LIN54: variants seen among roughly 807,000 people sequenced by gnomAD.
LIN54 encodes the protein protein lin-54 homolog.
LIN54 carries 9 observed loss-of-function variants against 78.7 expected under a neutral mutation model. The ratio of observed to expected loss-of-function variants is 0.11; its 90% CI spans 0.07 to 0.20. LIN54 has a LOEUF of 0.20. Ranked by LOEUF, LIN54 falls within the 10% of genes least tolerant of loss-of-function variation. The pLI, the probability that LIN54 is intolerant of heterozygous loss-of-function variation, is 1.00. For missense variants in LIN54, 573 were observed against 889.9 expected (o/e 0.64, Z 4.53); for synonymous variants, 269 against 318.4 (o/e 0.84, Z 1.65).
In LIN54 at chr4:82,931,070, A is replaced by G. The variant is rs775160799; in HGVS notation, c.1921T>C (p.Leu641=). ...NFEESPERKT[L]MHLADAAEVR... ...TCAGCTGCATCTGCCAAATGCATCAATGTCTTCCTTTCCGGGCTTTCTTCA... is the reference window on the plus strand; with the variant it reads ...TCAGCTGCATCTGCCAAATGCATCAGTGTCTTCCTTTCCGGGCTTTCTTCA... Residue 641 remains leucine, a synonymous_variant, in exon 12 of 13, where the codon TTG becomes CTG. Transcript: ENST00000340417. The G allele has an allele frequency of 1.4e-5, 23 of 1,614,068 alleles. 1 individual carries two copies. The Middle Eastern group carries it at 6.6e-4, about 46-fold the overall frequency.
intron 5 of LIN54, among the ~76,000 whole-genome samples, 158 bp downstream of exon 5, chr4:82,946,099 AT>A (rs1723337392): frequency 6.6e-6 from 1 of 152,244 alleles, no homozygotes; most frequent in African/African-American, 2.4e-5. Context: ...TACTACAGTT[AT>A]GCGCAACTAT....
At chr4:82,947,231 A>ATTTTTTTTTTT (rs1390095473) in intron 4 of LIN54, among the ~76,000 whole-genome samples, 15 of 13,946 alleles carry the variant, frequency 1.1e-3, no homozygotes, top group East Asian at 2.9e-3. Context: ...ATATATATAT[A>ATTTTTTTTTTT]TATATTTTTT....
Position 83,010,620 on chromosome 4 carries a change from G to GGC in LIN54, c.-170_-169insGC. 8.1e-7 allele frequency: 1 copy of GGC among 1,229,644 alleles called. No individual in the cohort carries two copies. 76.2% of individuals were successfully genotyped at this position (1,229,644 alleles called of 1,614,324 possible). ...GGCCAGCAGCTTCCTTTCCCAGTTT[G>GGC]TCCAAACTGGAGCGCTCCAGGGTAC... On this transcript the variant is annotated 5_prime_UTR_variant, in exon 1 of 13. Transcript: ENST00000340417.
At chr4:82,959,042 A>G (rs542789852) in intron 4 of LIN54, among the ~76,000 whole-genome samples, 1 of 152,124 alleles carries the variant, frequency 6.6e-6, no homozygotes, top group East Asian at 2.0e-4. Flanking sequence ...CCATTCTCTA[A>G]TAGTCAGAAA....
chr4:83,010,351 G>T, intron 1 of LIN54, 133 bp downstream of exon 1: 1 of 302,848 alleles, frequency 3.3e-6, no homozygotes, highest in Non-Finnish European at 5.0e-6. Context: ...GTCATGACGA[G>T]GCTACTGATT....
intron 3 of LIN54, among the ~76,000 whole-genome samples, chr4:82,977,195 C>T (rs909057546): frequency 6.6e-6 from 1 of 152,178 alleles, no homozygotes; most frequent in Non-Finnish European, 1.5e-5. Flanking sequence ...TCTTCAGAGA[C>T]TCAAAACAGT....
chr4:82,982,257 G>A (rs1393650772), intron 2 of LIN54, among the ~76,000 whole-genome samples: 1 of 151,910 alleles, frequency 6.6e-6, no homozygotes, highest in East Asian at 1.9e-4. Context: ...TTGAGACAGG[G>A]TTTTCCTGTA....
chr4:82,948,192 G>A (rs577805843), intron 4 of LIN54, among the ~76,000 whole-genome samples: 3 of 152,164 alleles, frequency 2.0e-5, no homozygotes, highest in East Asian at 1.9e-4. Context: ...TACTATATCC[G>A]CTCAAAATGG....
chr4:82,939,107 A>G (rs989605675), intron 7 of LIN54, among the ~76,000 whole-genome samples: 1 of 152,242 alleles, frequency 6.6e-6, no homozygotes, highest in African/African-American at 2.4e-5. Context: ...ATCGCTGAAG[A>G]TATGTCACCT....
intron 4 of LIN54, among the ~76,000 whole-genome samples, chr4:82,962,953 T>C (rs751224738): frequency 6.6e-5 from 10 of 152,000 alleles, no homozygotes; most frequent in Non-Finnish European, 1.3e-4. Flanking sequence ...TTTCTGAAAG[T>C]AAAAGACATC....
Position 82,943,061 on chromosome 4 carries a change from A to T in LIN54, c.1169-3099T>A, listed in dbSNP as rs574112464. ...ATACCTAGGGAAGGGGATGTTATGT[A>T]ACTAGGTCAACCATCTGCATTTCTT... On this transcript the variant is annotated intron_variant, in intron 5 of 12. Coordinates refer to ENST00000340417, the MANE Select transcript of LIN54 (RefSeq NM_194282.4). 4.6e-5 allele frequency among the ~76,000 whole-genome samples: 7 copies of T among 152,272 alleles called. No homozygotes were observed. In the South Asian group the frequency reaches 8.3e-4, roughly 18 times the overall value.
At chr4:82,998,244 T>G (rs1728408339) in intron 1 of LIN54, among the ~76,000 whole-genome samples, 1 of 151,486 alleles carries the variant, frequency 6.6e-6, no homozygotes, top group African/African-American at 2.4e-5. Flanking sequence ...TTTTGAGATA[T>G]TTAAAAATAA....
At chr4:83,004,948 G>A (rs957274900) in intron 1 of LIN54, among the ~76,000 whole-genome samples, 2 of 152,194 alleles carry the variant, frequency 1.3e-5, no homozygotes, top group Admixed American at 1.3e-4. Flanking sequence ...AGGCTGGAGT[G>A]CAGTGGCGCG....
rs78629139 is a variant in LIN54 at position 82,930,530 on chromosome 4, C to T, written c.2048+413G>A. Reference sequence around the variant, plus strand: ...TCAGCAGATGAAAGAGATAACAATACGGAGCTGCACTATTACAGTGTGATG... The same window carrying T: ...TCAGCAGATGAAAGAGATAACAATATGGAGCTGCACTATTACAGTGTGATG... On this transcript the variant is annotated intron_variant, in intron 12 of 12. Coordinates refer to ENST00000340417, the MANE Select transcript of LIN54 (RefSeq NM_194282.4). Among the ~76,000 whole-genome samples, 1,098 of 152,232 alleles carry T rather than the reference C, an allele frequency of 7.2e-3. 16 individuals are homozygous for T. Among genetic ancestry groups the T allele is most frequent in the Middle Eastern group, 0.01 (3 of 294 alleles).
rs113173231 is a variant in LIN54 at position 82,974,083 on chromosome 4, A to G, written c.809-3614T>C. Among the ~76,000 whole-genome samples the G allele has an allele frequency of 4.6e-3, 694 of 152,056 alleles. 4 individuals carry two copies. Among genetic ancestry groups the G allele is most frequent in the Middle Eastern group, 0.01 (3 of 294 alleles). On this transcript the variant is annotated intron_variant, in intron 3 of 12. Coordinates refer to ENST00000340417, the MANE Select transcript of LIN54 (RefSeq NM_194282.4). ...AAATTAGCTGGGTGTGGTGGCAGGC[A>G]CCTGTAGTCCCAGCTACTTGGGAGG... is the stretch of plus-strand genomic sequence containing the variant.
At chr4:82,958,952 T>C (rs1724568933) in intron 4 of LIN54, among the ~76,000 whole-genome samples, 1 of 152,212 alleles carries the variant, frequency 6.6e-6, no homozygotes. Flanking sequence ...TCCTTCTGCC[T>C]CAGCCTCCCA....
intron 2 of LIN54, among the ~76,000 whole-genome samples, chr4:82,981,197 G>A (rs373059195): frequency 1.3e-5 from 2 of 152,278 alleles, no homozygotes; most frequent in East Asian, 3.9e-4. Flanking sequence ...ATATATACAA[G>A]TAATTTTTGG....
chr4:82,990,448 A>G (rs1186669788), intron 1 of LIN54, among the ~76,000 whole-genome samples: 1 of 151,990 alleles, frequency 6.6e-6, no homozygotes, highest in Admixed American at 6.6e-5. Flanking sequence ...GTAGGTTTGT[A>G]TCATAACTTA....
intron 3 of LIN54, among the ~76,000 whole-genome samples, chr4:82,974,202 T>C (rs1287619400): frequency 1.4e-5 from 2 of 145,338 alleles, no homozygotes; most frequent in Non-Finnish European, 3.0e-5. Context: ...AGAGCAAAAC[T>C]CCCTCTCAAA....
Sources: gnomAD v4.1 joint callset for allele counts (sites outside exome capture counted in the v4.1 genomes callset) on GRCh38, gnomAD v4.1.1 for gene constraint, MANE v1.5 for transcripts, NCBI Gene and HGNC (gene_info 2026-07-23, HGNC 2026-07-21) for gene names.